Variants in ME3 observed in about 807,000 individuals in gnomAD.
ME3 encodes malic enzyme 3.
Under a neutral mutation model 68.9 loss-of-function variants are expected in ME3, and 48 were observed. That is an observed-to-expected ratio of 0.70 (90% CI 0.55 to 0.89). The LOEUF is 0.89. Ranked by LOEUF, ME3 falls within the 40% of genes least tolerant of loss-of-function variation. The pLI, the probability that ME3 is intolerant of heterozygous loss-of-function variation, is 0.00. For missense variants in ME3, 675 were observed against 797.4 expected (o/e 0.85, Z 1.85); for synonymous variants, 320 against 318.8 (o/e 1.00, Z -0.04).
At chr11:86,660,314 A>G (rs1402883593) in intron 2 of ME3, among the ~76,000 whole-genome samples, 2 of 152,208 alleles carry the variant, frequency 1.3e-5, no homozygotes, top group African/African-American at 2.4e-5. Flanking sequence ...AAACTCTATC[A>G]CATCTGTGAC....
At chr11:86,655,705 A>C (rs1412773809) in intron 2 of ME3, among the ~76,000 whole-genome samples, 1 of 151,838 alleles carries the variant, frequency 6.6e-6, no homozygotes, top group Non-Finnish European at 1.5e-5. Context: ...CTTCATGTCT[A>C]AAACACCAAA....
intron 2 of ME3, among the ~76,000 whole-genome samples, chr11:86,613,934 C>A (rs567842204): frequency 6.6e-6 from 1 of 152,236 alleles, no homozygotes; most frequent in East Asian, 1.9e-4. Context: ...CATCAAACTA[C>A]CATTGATATT....
intron 4 of ME3, among the ~76,000 whole-genome samples, chr11:86,521,169 C>G (rs1297294953): frequency 6.6e-6 from 1 of 152,116 alleles, no homozygotes; most frequent in East Asian, 1.9e-4. Context: ...GCGGGCGGAT[C>G]ACGCACGAGG....
chr11:86,535,016 G>T (rs561312583), intron 4 of ME3, among the ~76,000 whole-genome samples: 1 of 152,108 alleles, frequency 6.6e-6, no homozygotes, highest in Non-Finnish European at 1.5e-5. Context: ...CTTAACGAAG[G>T]TTTAAAACCA....
intron 3 of ME3, among the ~76,000 whole-genome samples, chr11:86,559,350 A>G (rs562267376): frequency 2.0e-5 from 3 of 152,168 alleles, no homozygotes; most frequent in Admixed American, 6.5e-5. Context: ...TCTCAGTGAA[A>G]TGTTCTCCCT....
In ME3 at chr11:86,658,107, G is replaced by A. The variant is rs116383563; in HGVS notation, c.183+13655C>T. Among the ~76,000 whole-genome samples the A allele has an allele frequency of 9.2e-3, 1,334 of 145,070 alleles. 27 individuals carry two copies. The highest frequency in any genetic ancestry group is 0.032 in the African/African-American group (1,249 of 38,942). On this transcript the variant is annotated intron_variant, in intron 2 of 14. Transcript: ENST00000543262. ...CATGAAAACAGGAGATGGGAGAGATGTAGGCAAAGTTTACCTTCTTCACAA... is the reference window on the plus strand; with the variant it reads ...CATGAAAACAGGAGATGGGAGAGATATAGGCAAAGTTTACCTTCTTCACAA...
chr11:86,483,029 G>A (rs1272470383), intron 7 of ME3, among the ~76,000 whole-genome samples: 2 of 152,240 alleles, frequency 1.3e-5, no homozygotes, highest in Non-Finnish European at 2.9e-5. Context: ...AGAGGCAAGT[G>A]AACAGTCTTG....
intron 10 of ME3, among the ~76,000 whole-genome samples, chr11:86,448,750 CA>C (rs543929458): frequency 9.8e-4 from 149 of 152,308 alleles, no homozygotes; most frequent in Non-Finnish European, 1.7e-3. Flanking sequence ...AGGCCATGCC[CA>C]ACCAGCTCCA....
At chr11:86,566,529 C>A (rs114001539) in intron 2 of ME3, among the ~76,000 whole-genome samples, 90 of 152,330 alleles carry the variant, frequency 5.9e-4, no homozygotes, top group African/African-American at 2.0e-3. Flanking sequence ...TGATTATCCT[C>A]ACCTTAGAGG....
At chr11:86,574,365 G>A (rs1022787629) in intron 2 of ME3, among the ~76,000 whole-genome samples, 3 of 145,144 alleles carry the variant, frequency 2.1e-5, no homozygotes, top group Non-Finnish European at 1.5e-5. Context: ...TGATCTTTGA[G>A]GCTGATGACC....
At chr11:86,650,296 C>T (rs1165974562) in intron 2 of ME3, among the ~76,000 whole-genome samples, 3 of 152,120 alleles carry the variant, frequency 2.0e-5, no homozygotes, top group Admixed American at 2.0e-4. Context: ...ATACCTTATA[C>T]AAAAATTAAC....
intron 5 of ME3, among the ~76,000 whole-genome samples, chr11:86,504,752 T>G (rs1164736512): frequency 6.6e-6 from 1 of 151,962 alleles, no homozygotes; most frequent in Non-Finnish European, 1.5e-5. Context: ...TGGAGTACAG[T>G]GGCACAAGGT....
At chr11:86,600,589 G>T (rs1960445393) in intron 2 of ME3, among the ~76,000 whole-genome samples, 1 of 150,958 alleles carries the variant, frequency 6.6e-6, no homozygotes, top group Non-Finnish European at 1.5e-5. Flanking sequence ...ACTCAGCTCT[G>T]CACCAAGCGG....
At chr11:86,575,462 G>T (rs1958047482) in intron 2 of ME3, among the ~76,000 whole-genome samples, 1 of 147,392 alleles carries the variant, frequency 6.8e-6, no homozygotes. Flanking sequence ...AAGATAATGT[G>T]CAAGGAAATG....
chr11:86,582,256 G>A (rs1406694459), intron 2 of ME3, among the ~76,000 whole-genome samples: 1 of 152,194 alleles, frequency 6.6e-6, no homozygotes, highest in Admixed American at 6.5e-5. Context: ...ATGACCTTCT[G>A]TGCCCATCTA....
Position 86,591,256 on chromosome 11 carries a change from T to C in ME3, c.184-31433A>G, listed in dbSNP as rs367919035. On this transcript the variant is annotated intron_variant, in intron 2 of 14. Coordinates refer to ENST00000543262, the Ensembl canonical transcript of ME3. ...AGTTTGGAATATAGCAATACTGCTT[T>C]ATCTGGATTTTCCACAGGCCCCTGT... 5.6e-4 allele frequency among the ~76,000 whole-genome samples: 85 copies of C among 152,330 alleles called. 3 individuals are homozygous for C. In the South Asian group the frequency reaches 0.017, roughly 31 times the overall value.
At chr11:86,609,711 A>G (rs1942421846) in intron 2 of ME3, among the ~76,000 whole-genome samples, 1 of 152,224 alleles carries the variant, frequency 6.6e-6, no homozygotes, top group African/African-American at 2.4e-5. Flanking sequence ...GACATGTACA[A>G]GAATATTGAT....
chr11:86,610,720 C>A (rs1050342417), intron 2 of ME3, among the ~76,000 whole-genome samples: 1 of 33,326 alleles, frequency 3.0e-5, no homozygotes, highest in Non-Finnish European at 5.9e-5. Context: ...TAGGGGGTGG[C>A]GGGGGGGCAG....
intron 4 of ME3, among the ~76,000 whole-genome samples, chr11:86,530,527 G>T (rs989711977): frequency 6.6e-6 from 1 of 152,126 alleles, no homozygotes; most frequent in African/African-American, 2.4e-5. Context: ...CCAAAAAATA[G>T]CCTGCATTGC....
Sources: gnomAD v4.1 joint callset for allele counts (sites outside exome capture counted in the v4.1 genomes callset) on GRCh38, gnomAD v4.1.1 for gene constraint, MANE v1.5 for transcripts, NCBI Gene and HGNC (gene_info 2026-07-23, HGNC 2026-07-21) for gene names.